The following NEK11 variants were observed in gnomAD, a reference collection of about 807,000 sequenced individuals.
The protein encoded by NEK11 is serine/threonine-protein kinase Nek11.
NEK11 carries 72 observed loss-of-function variants against 80.7 expected under a neutral mutation model. That is an observed-to-expected ratio of 0.89 (90% confidence interval 0.74 to 1.08). The LOEUF (loss-of-function observed/expected upper bound fraction) is 1.08, where lower values mean the gene tolerates loss of function less well. Ranked by LOEUF, NEK11 falls within the 50% of genes least tolerant of loss-of-function variation. The pLI is 0.00. For missense variants in NEK11, 764 were observed against 763.6 expected, an observed-to-expected ratio of 1.00 and a Z score of -0.01; for synonymous variants, 251 against 260.7, an observed-to-expected ratio of 0.96 and a Z score of 0.36.
chr3:131,114,825 A>T (rs545599546), intron 5 of NEK11, among the ~76,000 whole-genome samples: 1 of 152,350 alleles, frequency 6.6e-6, no homozygotes, highest in South Asian at 2.1e-4. Flanking sequence ...TTTTCTCCTT[A>T]TATGATCTAC....
rs1318520898 is a variant in NEK11, at chr3:131,228,667, T to G, written c.1539T>G (p.Pro513=). The change falls in exon 15 of 18, where the codon CCT becomes CCG. Residue 513 remains proline (P), a synonymous_variant. Coordinates refer to ENST00000383366, the MANE Select transcript of NEK11 (RefSeq NM_024800.5). Reference sequence around the variant, plus strand: ...AAATCAGGAATGAGGGATCCCAGCCTGCTTACAGAACAAACCAACAGGTAT... The same window carrying G: ...AAATCAGGAATGAGGGATCCCAGCCGGCTTACAGAACAAACCAACAGGTAT... ...EKEIRNEGSQ[P]AYRTNQQDSD... is the part of the protein sequence containing the mutation. 1 of 1,612,930 alleles carries G rather than the reference T, an allele frequency of 6.2e-7. No individual in the cohort carries two copies. Among genetic ancestry groups the G allele is most frequent in the South Asian group, 1.1e-5 (1 of 90,938 alleles).
intron 14 of NEK11, among the ~76,000 whole-genome samples, chr3:131,184,470 C>T (rs2093512612): frequency 1.3e-5 from 2 of 152,306 alleles, no homozygotes; most frequent in South Asian, 4.1e-4. Flanking sequence ...TTTATTCCTA[C>T]CTACTTATAC....
intron 17 of NEK11, among the ~76,000 whole-genome samples, chr3:131,293,363 T>C (rs2096562617): frequency 6.6e-6 from 1 of 152,186 alleles, no homozygotes; most frequent in African/African-American, 2.4e-5. Context: ...TATTTTTATT[T>C]TTAGTCTATT....
chr3:131,216,840 G>T (rs1254428500), intron 14 of NEK11, among the ~76,000 whole-genome samples: 1 of 152,234 alleles, frequency 6.6e-6, no homozygotes, highest in Non-Finnish European at 1.5e-5. Context: ...ATGTTACGGT[G>T]ATTGAAAATT....
intron 4 of NEK11, among the ~76,000 whole-genome samples, chr3:131,087,522 G>A (rs1046841420): frequency 6.6e-6 from 1 of 152,150 alleles, no homozygotes; most frequent in Non-Finnish European, 1.5e-5. Context: ...GATGACAGGC[G>A]TGAGCCACCG....
chr3:131,144,808 T>C lies in NEK11; in HGVS notation c.648-7580T>C, dbSNP rs183626006. On this transcript the variant is annotated intron_variant, in intron 7 of 17. Coordinates refer to ENST00000383366, the MANE Select transcript of NEK11 (RefSeq NM_024800.5). Reference sequence around the variant, plus strand: ...AAGTTACTGGCTGATAAATGAAGTCTTCTCTACGTGCTAGAGTGCAAGCAA... The same window carrying C: ...AAGTTACTGGCTGATAAATGAAGTCCTCTCTACGTGCTAGAGTGCAAGCAA... Among the ~76,000 whole-genome samples the C allele has an allele frequency of 7.2e-3, 1,098 of 152,274 alleles. 6 individuals carry two copies. The highest frequency in any genetic ancestry group is 0.012 in the Non-Finnish European group (785 of 68,016).
intron 5 of NEK11, among the ~76,000 whole-genome samples, chr3:131,125,061 C>A (rs1430695085): frequency 1.3e-5 from 2 of 152,148 alleles, no homozygotes. Context: ...TCTTTTCTCT[C>A]TATTCTTAGA....
chr3:131,342,140 G>A (rs1048008159), intron 17 of NEK11, among the ~76,000 whole-genome samples: 17 of 152,288 alleles, frequency 1.1e-4, no homozygotes, highest in Non-Finnish European at 2.2e-4. Flanking sequence ...ATCTGGGCAC[G>A]CTGCAGGCTA....
chr3:131,042,727 G>A (rs1200553552), intron 3 of NEK11, among the ~76,000 whole-genome samples: 18 of 152,204 alleles, frequency 1.2e-4, no homozygotes, highest in Non-Finnish European at 1.5e-5. Context: ...TCTGAAGAGA[G>A]CAGCAGATTT....
intron 14 of NEK11, among the ~76,000 whole-genome samples, chr3:131,184,412 A>G (rs1224661700): frequency 6.6e-6 from 1 of 152,202 alleles, no homozygotes; most frequent in African/African-American, 2.4e-5. Flanking sequence ...GGACTGAGCT[A>G]GACTCTAAAC....
At chr3:131,160,167 G>A (rs569853315) in intron 10 of NEK11, among the ~76,000 whole-genome samples, 1 of 152,242 alleles carries the variant, frequency 6.6e-6, no homozygotes, top group East Asian at 1.9e-4. Context: ...AAATTTTAAA[G>A]GCAGTTGGAG....
chr3:131,067,916 G>C (rs994709803), intron 3 of NEK11, among the ~76,000 whole-genome samples: 2 of 152,176 alleles, frequency 1.3e-5, no homozygotes, highest in Non-Finnish European at 2.9e-5. Flanking sequence ...ACGGTTTTGG[G>C]GTCATATCAG....
chr3:131,336,706 C>T (rs576478464), intron 17 of NEK11, among the ~76,000 whole-genome samples: 3 of 152,262 alleles, frequency 2.0e-5, no homozygotes, highest in Non-Finnish European at 2.9e-5. Flanking sequence ...AGAAAATTTT[C>T]GCAACTTACT....
chr3:131,240,191 G>C (rs1320952225), intron 15 of NEK11, among the ~76,000 whole-genome samples: 1 of 152,046 alleles, frequency 6.6e-6, no homozygotes, highest in African/African-American at 2.4e-5. Flanking sequence ...CCTTCCTCTG[G>C]CTCCTTTCTC....
chr3:131,035,801 C>G (rs773161753), intron 3 of NEK11, among the ~76,000 whole-genome samples: 10 of 152,094 alleles, frequency 6.6e-5, no homozygotes, highest in African/African-American at 2.4e-4. Flanking sequence ...GGCAATTACT[C>G]GCTTAAACCA....
intron 7 of NEK11, among the ~76,000 whole-genome samples, chr3:131,140,036 C>G (rs1033213217): frequency 1.3e-5 from 2 of 152,198 alleles, no homozygotes; most frequent in African/African-American, 4.8e-5. Context: ...AAATGGCCAT[C>G]ATAACATATC....
chr3:131,328,485 G>A (rs969075505), intron 17 of NEK11: 18 of 152,124 alleles, frequency 1.2e-4, no homozygotes, highest in African/African-American at 3.9e-4. Flanking sequence ...GAAAACAACA[G>A]TCTTCTGCCT....
At position 131,165,299 on chromosome 3, in the gene NEK11, G is replaced by C. The variant is rs1230006381; in HGVS notation, c.1083-127G>C. On this transcript the variant is annotated intron_variant, in intron 11 of 17. Transcript: ENST00000383366. Reference sequence around the variant, plus strand: ...ACCACATTCACCTTGATGAGGAAGAGACCTGATGGCCTGGCTTTCTAATCC... The same window carrying C: ...ACCACATTCACCTTGATGAGGAAGACACCTGATGGCCTGGCTTTCTAATCC... The C allele has an allele frequency of 4.2e-5, 27 of 635,520 alleles. No homozygotes were observed. The East Asian group carries it at 4.8e-4, about 11-fold the overall frequency. The allele number at this position is 635,520 out of a possible 1,614,324, so 39.4% of individuals were successfully genotyped here.
chr3:131,303,159 T>C (rs1037511838), intron 17 of NEK11, among the ~76,000 whole-genome samples: 1 of 152,180 alleles, frequency 6.6e-6, no homozygotes, highest in Non-Finnish European at 1.5e-5. Context: ...CCCCTGCTTT[T>C]TCCTGTTTTC....
Sources: gnomAD v4.1 joint callset for allele counts (sites outside exome capture counted in the v4.1 genomes callset) on GRCh38, gnomAD v4.1.1 for gene constraint, MANE v1.5 for transcripts, NCBI Gene and HGNC (gene_info 2026-07-23, HGNC 2026-07-21) for gene names.